Variants in GRM7 observed in about 807,000 individuals in gnomAD.
GRM7 encodes the protein glutamate metabotropic receptor 7, also known as metabotropic glutamate receptor 7.
GRM7 carries 35 observed loss-of-function variants against 84.5 expected under a neutral mutation model. The observed-to-expected ratio is 0.41, with a 90% CI of 0.32 to 0.55. The LOEUF is 0.55. GRM7 is among the 20% of genes least tolerant of loss of function. The pLI, the probability that GRM7 is intolerant of heterozygous loss-of-function variation, is 0.19. For synonymous variants in GRM7, 487 were observed against 455.1 expected, an observed-to-expected ratio of 1.07 and a Z score of -0.89; for missense variants, 1,003 against 1,194.6, an observed-to-expected ratio of 0.84 and a Z score of 2.36.
chr3:7,680,842 T>C (rs1700339278), intron 9 of GRM7: 1 of 155,560 alleles, frequency 6.4e-6, no homozygotes, highest in Admixed American at 6.3e-5. Context: ...GGCATCATAC[T>C]GTGGGGAAAA....
intron 1 of GRM7, among the ~76,000 whole-genome samples, chr3:6,987,091 G>A (rs977976006): frequency 1.6e-4 from 25 of 151,662 alleles, no homozygotes; most frequent in African/African-American, 5.3e-4. Flanking sequence ...CTGTTCTTTC[G>A]TTTCCTTCTA....
intron 1 of GRM7, among the ~76,000 whole-genome samples, chr3:6,946,730 T>C (rs1348641119): frequency 1.3e-5 from 2 of 152,218 alleles, no homozygotes; most frequent in Non-Finnish European, 2.9e-5. Flanking sequence ...TCCTCTTTTA[T>C]TTCATTGAGC....
At chr3:7,574,916 C>A (rs1303117811) in intron 7 of GRM7, among the ~76,000 whole-genome samples, 1 of 149,796 alleles carries the variant, frequency 6.7e-6, no homozygotes, top group Non-Finnish European at 1.5e-5. Flanking sequence ...CAAATGAAAT[C>A]TTTTGTTCCA....
At chr3:7,551,962 G>A (rs1693500207) in intron 7 of GRM7, among the ~76,000 whole-genome samples, 1 of 152,158 alleles carries the variant, frequency 6.6e-6, no homozygotes, top group South Asian at 2.1e-4. Context: ...TCACAAGGTG[G>A]CAGGAAAGAG....
intron 2 of GRM7, among the ~76,000 whole-genome samples, chr3:7,195,807 A>G (rs1695858359): frequency 6.6e-6 from 1 of 152,168 alleles, no homozygotes; most frequent in African/African-American, 2.4e-5. Context: ...AACTAAATAC[A>G]TAATAATTAA....
rs1205305730 is a variant in GRM7, at chr3:7,634,809, AAAAG to A, written c.2452-45236_2452-45233del. On this transcript the variant is annotated intron_variant, in intron 8 of 9. Transcript: ENST00000357716. ...ACTCTGTCTCAAAAAAAAAAAAAGA[AAAAG>A]AAAAAGAAAAAAGAAATCCGCAGAT... Among the ~76,000 whole-genome samples the A allele has an allele frequency of 2.6e-5, 4 of 152,006 alleles. No individual in the cohort carries two copies. The East Asian group carries it at 7.7e-4, about 29-fold the overall frequency.
chr3:7,040,425 T>C (rs9837979), intron 1 of GRM7, among the ~76,000 whole-genome samples: 3,585 of 152,006 alleles, frequency 0.024, 122 homozygotes, highest in African/African-American at 0.082. Flanking sequence ...GCCTTAGCCT[T>C]CCGAGTAGCT....
rs77259258 is a variant in GRM7 at position 7,088,830 on chromosome 3, G to C, written c.520-57622G>C. On this transcript the variant is annotated intron_variant, in intron 1 of 9. Coordinates refer to ENST00000357716, the MANE Select transcript of GRM7 (RefSeq NM_000844.4). ...GGAGGAACGCATAAAGCATGACACA[G>C]GAATTTGTAAGAAGAATTTAGTTAG... 6.8e-3 allele frequency among the ~76,000 whole-genome samples: 1,033 copies of C among 151,182 alleles called. 23 individuals carry two copies. The highest frequency in any genetic ancestry group is 0.024 in the African/African-American group (984 of 40,908).
chr3:7,492,211 A>C (rs1699544526), intron 7 of GRM7, among the ~76,000 whole-genome samples: 1 of 152,142 alleles, frequency 6.6e-6, no homozygotes. Context: ...ATCAGAGTAA[A>C]ACGAGCTTTC....
chr3:7,393,643 T>C (rs2125146185), intron 4 of GRM7, among the ~76,000 whole-genome samples: 1 of 152,370 alleles, frequency 6.6e-6, no homozygotes, highest in South Asian at 2.1e-4. Context: ...AGGAACATAC[T>C]ACTTGCTTGT....
At chr3:7,306,460 TTTATCA>T (rs1700197727) in intron 3 of GRM7, 32 bp from the exon 4 acceptor site, 2 of 1,583,716 alleles carry the variant, frequency 1.3e-6, no homozygotes, top group Non-Finnish European at 1.7e-6. Context: ...GCTGACGTTC[TTTATCA>T]TTAATATAAC....
intron 1 of GRM7, among the ~76,000 whole-genome samples, chr3:6,926,699 G>C (rs902634000): frequency 2.0e-5 from 3 of 152,154 alleles, no homozygotes; most frequent in Non-Finnish European, 2.9e-5. Flanking sequence ...AAAAGCCGAT[G>C]CAACCACCCC....
chr3:7,537,666 C>T (rs1692629128), intron 7 of GRM7, among the ~76,000 whole-genome samples: 1 of 152,152 alleles, frequency 6.6e-6, no homozygotes, highest in South Asian at 2.1e-4. Context: ...TCTGTGCAGG[C>T]ACTGGGTTAG....
At chr3:7,668,340 T>A (rs1177002211) in intron 8 of GRM7, among the ~76,000 whole-genome samples, 3 of 152,216 alleles carry the variant, frequency 2.0e-5, no homozygotes, top group Non-Finnish European at 4.4e-5. Context: ...TTATTTAACA[T>A]CACCAATTAA....
At chr3:7,250,121 A>T (rs1261591258) in intron 2 of GRM7, among the ~76,000 whole-genome samples, 1 of 152,192 alleles carries the variant, frequency 6.6e-6, no homozygotes, top group African/African-American at 2.4e-5. Context: ...TGAGAAAGAG[A>T]AGAGTGGATA....
chr3:7,219,340 G>A (rs1244942157), intron 2 of GRM7, among the ~76,000 whole-genome samples: 1 of 152,024 alleles, frequency 6.6e-6, no homozygotes, highest in Non-Finnish European at 1.5e-5. Flanking sequence ...CTCATATAAC[G>A]GCTGCATCTG....
chr3:7,496,742 G>A (rs2124958356), intron 7 of GRM7, among the ~76,000 whole-genome samples: 1 of 151,916 alleles, frequency 6.6e-6, no homozygotes, highest in South Asian at 2.1e-4. Flanking sequence ...ATAAAGAGAA[G>A]CAACTGCATC....
chr3:7,628,277 T>C (rs1369791159), intron 8 of GRM7, among the ~76,000 whole-genome samples: 7 of 152,012 alleles, frequency 4.6e-5, no homozygotes, highest in African/African-American at 1.7e-4. Context: ...GCCTGGGGAG[T>C]GCAGCACTGT....
At chr3:7,609,254 G>C (rs764184278) in intron 8 of GRM7, among the ~76,000 whole-genome samples, 25 of 152,304 alleles carry the variant, frequency 1.6e-4, no homozygotes, top group Non-Finnish European at 3.4e-4. Flanking sequence ...GTAATTCACT[G>C]TTCTTAGAAA....
Sources: allele counts gnomAD v4.1 joint callset (sites outside exome capture counted in the v4.1 genomes callset), GRCh38; gene constraint gnomAD v4.1.1; transcripts MANE v1.5; gene names NCBI Gene and HGNC (gene_info 2026-07-23, HGNC 2026-07-21).